SLC10A7: variants seen among roughly 807,000 people sequenced by gnomAD.
SLC10A7 encodes solute carrier family 10 member 7, also known as sodium/bile acid cotransporter 7.
SLC10A7 carries 29 observed loss-of-function variants against 43.2 expected under a neutral mutation model. The ratio of observed to expected loss-of-function variants is 0.67; its 90% confidence interval spans 0.50 to 0.92. SLC10A7 has a LOEUF of 0.92. Ranked by LOEUF, SLC10A7 falls within the 40% of genes least tolerant of loss-of-function variation. The probability of loss-of-function intolerance (pLI) is 0.00; values close to 1 mark genes in which losing one functional copy is unlikely to be tolerated. For synonymous variants in SLC10A7, 152 were observed against 144.8 expected (o/e 1.05, Z -0.35); for missense variants, 295 against 403.2 (o/e 0.73, Z 2.30).
chr4:146,425,055 C>A (rs566185756), intron 5 of SLC10A7, among the ~76,000 whole-genome samples: 1 of 152,066 alleles, frequency 6.6e-6, no homozygotes, highest in South Asian at 2.1e-4. Context: ...AAATAAAAAT[C>A]ATGAGCACTT....
At chr4:146,455,163 A>G (rs1731940043) in intron 4 of SLC10A7, among the ~76,000 whole-genome samples, 1 of 151,868 alleles carries the variant, frequency 6.6e-6, no homozygotes, top group African/African-American at 2.4e-5. Flanking sequence ...ACCATAGAGT[A>G]CCAACTCACA....
At chr4:146,467,286 C>T (rs1488385189) in intron 4 of SLC10A7, among the ~76,000 whole-genome samples, 4 of 152,116 alleles carry the variant, frequency 2.6e-5, no homozygotes. Flanking sequence ...CTTTCACTCC[C>T]TTCCACTGTC....
At chr4:146,314,276 C>T (rs1478612660) in intron 6 of SLC10A7, among the ~76,000 whole-genome samples, 2 of 152,092 alleles carry the variant, frequency 1.3e-5, no homozygotes, top group African/African-American at 2.4e-5. Context: ...GTTTCTTATA[C>T]AAAGATGTGA....
At chr4:146,463,398 G>A (rs1732711851) in intron 4 of SLC10A7, among the ~76,000 whole-genome samples, 1 of 152,076 alleles carries the variant, frequency 6.6e-6, no homozygotes, top group South Asian at 2.1e-4. Flanking sequence ...GTAAATATCA[G>A]TATCTTACAA....
At chr4:146,271,148 G>A (rs1286546518) in intron 10 of SLC10A7, among the ~76,000 whole-genome samples, 2 of 152,150 alleles carry the variant, frequency 1.3e-5, no homozygotes. Context: ...CAATCTGATA[G>A]TCTAAAATAA....
chr4:146,350,917 C>A (rs1287420990), intron 5 of SLC10A7, among the ~76,000 whole-genome samples: 1 of 144,334 alleles, frequency 6.9e-6, no homozygotes. Flanking sequence ...GTAGATAAAA[C>A]CACAAAGATG....
chr4:146,354,694 A>C (rs1046263434), intron 5 of SLC10A7, among the ~76,000 whole-genome samples: 3 of 151,440 alleles, frequency 2.0e-5, no homozygotes, highest in South Asian at 2.1e-4. Context: ...ACAGAGATAT[A>C]GATCAATGGA....
chr4:146,383,857 T>C (rs573176280), intron 5 of SLC10A7, among the ~76,000 whole-genome samples: 1 of 152,248 alleles, frequency 6.6e-6, no homozygotes, highest in Non-Finnish European at 1.5e-5. Context: ...AGCTACTAAT[T>C]AGATGTCAGG....
intron 5 of SLC10A7, among the ~76,000 whole-genome samples, chr4:146,336,013 C>T (rs1213604994): frequency 1.3e-5 from 2 of 152,082 alleles, no homozygotes; most frequent in Non-Finnish European, 2.9e-5. Context: ...TCATAATCTG[C>T]ATCTTAGCAA....
chr4:146,433,729 G>C (rs746981664), intron 5 of SLC10A7, among the ~76,000 whole-genome samples: 1 of 151,904 alleles, frequency 6.6e-6, no homozygotes, highest in Non-Finnish European at 1.5e-5. Flanking sequence ...GCCAGGCAAG[G>C]TGGTGCATGC....
chr4:146,379,106 C>T (rs1334438629), intron 5 of SLC10A7, among the ~76,000 whole-genome samples: 1 of 152,160 alleles, frequency 6.6e-6, no homozygotes, highest in Non-Finnish European at 1.5e-5. Context: ...TCTGAACTAG[C>T]CTAACAGAAT....
At chr4:146,325,354 AAAT>A (rs748906012) in intron 6 of SLC10A7, among the ~76,000 whole-genome samples, 1 of 152,222 alleles carries the variant, frequency 6.6e-6, no homozygotes, top group Non-Finnish European at 1.5e-5. Flanking sequence ...GTGCCAAAAG[AAAT>A]AAGACAGCTA....
chr4:146,303,470 C>A (rs4240332), intron 7 of SLC10A7, among the ~76,000 whole-genome samples: 4 of 150,632 alleles, frequency 2.7e-5, no homozygotes, highest in Admixed American at 2.6e-4. Context: ...CTCCGCCTCC[C>A]AGGTTCAAGT....
At chr4:146,475,462 T>A (rs1329353835) in intron 4 of SLC10A7, among the ~76,000 whole-genome samples, 1 of 152,232 alleles carries the variant, frequency 6.6e-6, no homozygotes, top group Non-Finnish European at 1.5e-5. Flanking sequence ...GAGTTAGAAG[T>A]CACAAGGATT....
At position 146,471,121 on chromosome 4, in the gene SLC10A7, A is replaced by G. The variant is rs79970065; in HGVS notation, c.397-28300T>C. ...TCAGATGTTTGAATATCTGCATTAT[A>G]TATACTTACTGGTTGAGCATCTCTA... On this transcript the variant is annotated intron_variant, in intron 4 of 11. Transcript: ENST00000335472. Among the ~76,000 whole-genome samples, 132 of 152,324 alleles carry G rather than the reference A, an allele frequency of 8.7e-4. 1 individual carries two copies. The South Asian group carries it at 0.013, about 16-fold the overall frequency.
At chr4:146,518,640 G>A (rs1738245621) in intron 1 of SLC10A7, among the ~76,000 whole-genome samples, 1 of 152,056 alleles carries the variant, frequency 6.6e-6, no homozygotes, top group Non-Finnish European at 1.5e-5. Context: ...ATCAAGTTAA[G>A]ATGAGGTCTT....
intron 5 of SLC10A7, among the ~76,000 whole-genome samples, chr4:146,367,120 A>AT (rs1009533033): frequency 1.7e-4 from 26 of 152,160 alleles, no homozygotes; most frequent in Non-Finnish European, 5.9e-5. Context: ...GTTAGATATC[A>AT]TAACAGTAAG....
intron 10 of SLC10A7, among the ~76,000 whole-genome samples, chr4:146,272,266 T>G (rs751288184): frequency 5.3e-5 from 8 of 152,186 alleles, no homozygotes; most frequent in South Asian, 2.1e-4. Flanking sequence ...TTCATTAACA[T>G]GCTCAGCTTC....
rs539298780 is a variant in SLC10A7 at position 146,304,461 on chromosome 4, G to A, written c.555+1465C>T. Among the ~76,000 whole-genome samples, 227 of 152,076 alleles carry A rather than the reference G, an allele frequency of 1.5e-3. 2 individuals carry two copies. The highest frequency in any genetic ancestry group is 5.3e-3 in the African/African-American group (219 of 41,500). ...TCTGGTATGTTGTGTCTTTGTTCTC[G>A]TTGGTTTCAAAGAACATCTTTATTT... On this transcript the variant is annotated intron_variant, in intron 7 of 11. Transcript: ENST00000335472.
Sources: allele counts gnomAD v4.1 joint callset (sites outside exome capture counted in the v4.1 genomes callset), GRCh38; gene constraint gnomAD v4.1.1; transcripts MANE v1.5; gene names NCBI Gene and HGNC (gene_info 2026-07-23, HGNC 2026-07-21).